ARSB: variants seen among roughly 807,000 people sequenced by gnomAD.
ARSB encodes the protein N-acetylgalactosamine-4-sulfatase.
ARSB carries 41 observed loss-of-function variants against 50.9 expected under a neutral mutation model. That is an observed-to-expected ratio of 0.81 (90% confidence interval 0.63 to 1.04). The LOEUF (loss-of-function observed/expected upper bound fraction) is 1.04, where lower values mean the gene tolerates loss of function less well. ARSB is among the 50% of genes least tolerant of loss of function. The probability of loss-of-function intolerance (pLI) is 0.00; values close to 1 mark genes in which losing one functional copy is unlikely to be tolerated. For synonymous variants in ARSB, 269 were observed against 284.8 expected (o/e 0.94, Z 0.56); for missense variants, 672 against 693.3 (o/e 0.97, Z 0.35).
At chr5:78,781,384 C>G (rs910281536) in intron 7 of ARSB, among the ~76,000 whole-genome samples, 4 of 110,252 alleles carry the variant, frequency 3.6e-5, no homozygotes, top group African/African-American at 1.4e-4. Context: ...TTCTTCCTAT[C>G]TCCTCATTCA....
At chr5:78,801,815 C>T (rs1442386207) in intron 6 of ARSB, among the ~76,000 whole-genome samples, 3 of 152,044 alleles carry the variant, frequency 2.0e-5, no homozygotes, top group Non-Finnish European at 4.4e-5. Flanking sequence ...AATGGCAGAG[C>T]TGCAAAATGA....
intron 4 of ARSB, among the ~76,000 whole-genome samples, chr5:78,930,488 G>A (rs1402972149): frequency 6.6e-6 from 1 of 152,116 alleles, no homozygotes; most frequent in African/African-American, 2.4e-5. Flanking sequence ...CGGTAGGAGA[G>A]GCTGATTAGA....
intron 6 of ARSB, among the ~76,000 whole-genome samples, chr5:78,830,820 T>G (rs1175802469): frequency 2.0e-5 from 3 of 152,168 alleles, no homozygotes; most frequent in Non-Finnish European, 4.4e-5. Flanking sequence ...CAAGGAAAAT[T>G]TGACGAGCTG....
At chr5:78,833,551 G>C (rs1028058120) in intron 6 of ARSB, among the ~76,000 whole-genome samples, 2 of 152,182 alleles carry the variant, frequency 1.3e-5, no homozygotes, top group Non-Finnish European at 2.9e-5. Context: ...ATGAAGCTGG[G>C]AGGCAGTGGA....
chr5:78,836,331 G>T (rs558091504), intron 6 of ARSB, among the ~76,000 whole-genome samples: 1 of 152,310 alleles, frequency 6.6e-6, no homozygotes, highest in Admixed American at 6.5e-5. Flanking sequence ...CAGTGAATGT[G>T]GTTCTACATC....
At position 78,810,628 on chromosome 5, in the gene ARSB, T is replaced by C. The variant is rs566884210; in HGVS notation, c.1214-28654A>G. Among the ~76,000 whole-genome samples the C allele has an allele frequency of 2.0e-5, 3 of 152,322 alleles. No homozygotes were observed. The East Asian group carries it at 5.8e-4, about 29-fold the overall frequency. ...AAGCTGCGCCTTTAACCATGAAACT[T>C]GAATTAGCATTGAATGGCTTTTGAG... is the stretch of plus-strand genomic sequence containing the variant. On this transcript the variant is annotated intron_variant, in intron 6 of 7. Coordinates refer to ENST00000264914, the MANE Select transcript of ARSB (RefSeq NM_000046.5).
chr5:78,961,661 T>C (rs531064915), intron 3 of ARSB, among the ~76,000 whole-genome samples: 7 of 152,294 alleles, frequency 4.6e-5, no homozygotes, highest in African/African-American at 1.7e-4. Flanking sequence ...TGAGGGAATA[T>C]TCCATCGTTC....
chr5:78,838,595 C>T (rs1581023311), intron 6 of ARSB, among the ~76,000 whole-genome samples: 1 of 152,078 alleles, frequency 6.6e-6, no homozygotes, highest in Non-Finnish European at 1.5e-5. Flanking sequence ...GATGGGAGCC[C>T]CCATGTGAAT....
chr5:78,941,318 T>C, intron 4 of ARSB, among the ~76,000 whole-genome samples: 1 of 151,084 alleles, frequency 6.6e-6, no homozygotes, highest in Non-Finnish European at 1.5e-5. Flanking sequence ...CTTCCAACAC[T>C]ATGTTGAATA....
chr5:78,811,240 T>A (rs1743795088), intron 6 of ARSB, among the ~76,000 whole-genome samples: 1 of 152,224 alleles, frequency 6.6e-6, no homozygotes, highest in Admixed American at 6.5e-5. Context: ...ATGGATGCTC[T>A]GGAATGTTTG....
At chr5:78,842,777 TC>T (rs1313102211) in intron 5 of ARSB, among the ~76,000 whole-genome samples, 1 of 104,790 alleles carries the variant, frequency 9.5e-6, no homozygotes, top group Non-Finnish European at 2.0e-5. Context: ...TTTGTTTTTT[TC>T]CCTTTTTTTT....
chr5:78,856,051 A>G (rs911333462), intron 5 of ARSB, among the ~76,000 whole-genome samples: 2 of 152,210 alleles, frequency 1.3e-5, no homozygotes, highest in Non-Finnish European at 2.9e-5. Flanking sequence ...CTAGTCTACC[A>G]TCTTGCTGAT....
intron 5 of ARSB, among the ~76,000 whole-genome samples, chr5:78,851,819 CTTCT>C (rs1168269768): frequency 2.0e-5 from 3 of 152,028 alleles, no homozygotes; most frequent in Non-Finnish European, 4.4e-5. Flanking sequence ...ATGTAATGGC[CTTCT>C]TTGTCTCTTT....
chr5:78,833,929 G>C (rs1581016853), intron 6 of ARSB, among the ~76,000 whole-genome samples: 1 of 152,196 alleles, frequency 6.6e-6, no homozygotes, highest in Non-Finnish European at 1.5e-5. Flanking sequence ...GTGACTTGTA[G>C]CTTCTAAGTT....
chr5:78,917,547 C>G (rs1374991775), intron 4 of ARSB, among the ~76,000 whole-genome samples: 1 of 152,088 alleles, frequency 6.6e-6, no homozygotes, highest in African/African-American at 2.4e-5. Context: ...GAGTCTCACT[C>G]TATCATCCAG....
intron 6 of ARSB, among the ~76,000 whole-genome samples, chr5:78,832,410 C>T (rs73122630): frequency 1.3e-5 from 2 of 152,028 alleles, no homozygotes; most frequent in African/African-American, 4.8e-5. Context: ...TTTAGCCAGA[C>T]CTTTAGGTTT....
intron 5 of ARSB, among the ~76,000 whole-genome samples, chr5:78,877,467 C>T (rs532155212): frequency 6.6e-5 from 10 of 152,142 alleles, no homozygotes; most frequent in Non-Finnish European, 1.3e-4. Flanking sequence ...CGGATCACTG[C>T]AACCTCTGCC....
rs750459307 is a variant in ARSB, at chr5:78,955,480, A to T, written c.713T>A (p.Leu238His). ...PEKPLFLYLA[L>H]QSVHEPLQVP... is the part of the protein sequence containing the mutation. Reference sequence around the variant, plus strand: ...CTGAAGGGGCTCATGCACAGACTGGAGAGCAAGGTAGAGAAACAGAGGCTG... The same window carrying T: ...CTGAAGGGGCTCATGCACAGACTGGTGAGCAAGGTAGAGAAACAGAGGCTG... The change falls in exon 4 of 8, where the codon CTC becomes CAC. Residue 238 changes from leucine to histidine, a missense_variant. By Grantham distance (99) the Leu-to-His change is moderately conservative. Transcript: ENST00000264914. The T allele has an allele frequency of 2.5e-6, 4 of 1,614,102 alleles. No individual in the cohort carries two copies. The highest frequency in any genetic ancestry group is 3.4e-6 in the Non-Finnish European group (4 of 1,179,960).
chr5:78,983,781 T>C (rs1753022110), intron 1 of ARSB, among the ~76,000 whole-genome samples: 1 of 152,112 alleles, frequency 6.6e-6, no homozygotes, highest in East Asian at 1.9e-4. Context: ...AGCCCTCCCT[T>C]CTCTTGATCT....
Sources: allele counts gnomAD v4.1 joint callset (sites outside exome capture counted in the v4.1 genomes callset), GRCh38; gene constraint gnomAD v4.1.1; transcripts MANE v1.5; gene names NCBI Gene and HGNC (gene_info 2026-07-23, HGNC 2026-07-21).